Variants in TLN2 observed in about 807,000 individuals in gnomAD.
TLN2 encodes the protein talin-2.
Under a neutral mutation model 294.7 loss-of-function variants are expected in TLN2, and 118 were observed. The ratio of observed to expected loss-of-function variants is 0.40; its 90% confidence interval spans 0.34 to 0.47. TLN2 has a LOEUF of 0.47. Among genes scored for constraint, TLN2 ranks in the 20% least tolerant of loss-of-function variants. The probability of loss-of-function intolerance (pLI) is 0.84; values close to 1 mark genes in which losing one functional copy is unlikely to be tolerated. For missense variants in TLN2, 3,083 were observed against 3,282.2 expected, an observed-to-expected ratio of 0.94 and a Z score of 1.48; for synonymous variants, 1,431 against 1,304.5, an observed-to-expected ratio of 1.10 and a Z score of -2.09.
intron 1 of TLN2, among the ~76,000 whole-genome samples, chr15:62,396,128 C>T (rs2140227367): frequency 6.6e-6 from 1 of 152,296 alleles, no homozygotes; most frequent in Admixed American, 6.5e-5. Context: ...GCCACTGTGC[C>T]TGGCCTTATT....
chr15:62,472,782 C>T lies in TLN2; in HGVS notation c.-238+82097C>T, dbSNP rs536675739. Among the ~76,000 whole-genome samples, 8 of 152,234 alleles carry T rather than the reference C, an allele frequency of 5.3e-5. No individual in the cohort carries two copies. In the East Asian group the frequency reaches 9.7e-4, roughly 18 times the overall value. On this transcript the variant is annotated intron_variant, in intron 1 of 58. Transcript: ENST00000636159. Reference sequence around the variant, plus strand: ...CCCCTATAGCCTTTACCTATTTCTCCGACCGACGGATGACTTGAGCATTCG... The same window carrying T: ...CCCCTATAGCCTTTACCTATTTCTCTGACCGACGGATGACTTGAGCATTCG...
At chr15:62,391,006 T>C (rs2032029876) in intron 1 of TLN2, among the ~76,000 whole-genome samples, 1 of 152,246 alleles carries the variant, frequency 6.6e-6, no homozygotes, top group African/African-American at 2.4e-5. Context: ...AGCGGATTCC[T>C]GGCCGTGGGC....
intron 45 of TLN2, 40 bp from the exon 46 acceptor site, chr15:62,792,601 A>T (rs373930279): frequency 6.2e-7 from 1 of 1,605,032 alleles, no homozygotes; most frequent in African/African-American, 1.3e-5. Context: ...GGCAGAGTCC[A>T]TCACGCTTCT....
At chr15:62,564,667 G>A (rs1389560611) in intron 1 of TLN2, among the ~76,000 whole-genome samples, 3 of 152,058 alleles carry the variant, frequency 2.0e-5, no homozygotes, top group East Asian at 3.9e-4. Flanking sequence ...AGCACTTTGG[G>A]AGGTTGAGGC....
At chr15:62,568,280 G>T (rs2043577856) in intron 1 of TLN2, among the ~76,000 whole-genome samples, 1 of 152,126 alleles carries the variant, frequency 6.6e-6, no homozygotes, top group African/African-American at 2.4e-5. Flanking sequence ...GCCCGAGCAG[G>T]CAGAGGTGGA....
intron 1 of TLN2, among the ~76,000 whole-genome samples, chr15:62,416,296 C>G (rs1157469728): frequency 6.6e-6 from 1 of 152,176 alleles, no homozygotes; most frequent in Non-Finnish European, 1.5e-5. Context: ...GACTCTATCT[C>G]AAACAATAAA....
chr15:62,568,373 C>T (rs1346192994), intron 1 of TLN2, among the ~76,000 whole-genome samples: 4 of 152,210 alleles, frequency 2.6e-5, no homozygotes, highest in South Asian at 4.1e-4. Flanking sequence ...GCTTCATTTT[C>T]TTCAGGAGGG....
Position 62,838,972 on chromosome 15 carries a change from C to T in TLN2, c.7491C>T (p.Gly2497=). The change falls in exon 58 of 59, where the codon GGC becomes GGT. Residue 2497 remains glycine, a synonymous_variant. Transcript: ENST00000636159. ...TAGTGAAAACCAAGTTTGTGGGGGGCATTGCTCAGGTTTGTAATTAAATCA... is the reference window on the plus strand; with the variant it reads ...TAGTGAAAACCAAGTTTGTGGGGGGTATTGCTCAGGTTTGTAATTAAATCA... ...DVVVKTKFVG[G]IAQIIAAQEE... 6.2e-7 allele frequency: 1 copy of T among 1,614,074 alleles called. No individual in the cohort carries two copies. Among genetic ancestry groups the T allele is most frequent in the Non-Finnish European group, 8.5e-7 (1 of 1,179,984 alleles).
At chr15:62,680,931 A>T (rs1160579919) in intron 11 of TLN2, among the ~76,000 whole-genome samples, 1 of 152,170 alleles carries the variant, frequency 6.6e-6, no homozygotes, top group Non-Finnish European at 1.5e-5. Context: ...ATGGCTGAGT[A>T]GTATTCCATG....
Position 62,693,102 on chromosome 15 carries a change from G to T in TLN2, c.1215+161G>T, listed in dbSNP as rs145065831. ...CCCAACACTTCGGGAGGCTGAGATA[G>T]GCAGATCACCTGAGGTCAGGTATTA... is the stretch of plus-strand genomic sequence containing the variant. On this transcript the variant is annotated intron_variant, in intron 13 of 58. Coordinates refer to ENST00000636159, the MANE Select transcript of TLN2 (RefSeq NM_015059.3). 6.4e-3 allele frequency among the ~76,000 whole-genome samples: 979 copies of T among 152,298 alleles called. 4 individuals are homozygous for T. Among genetic ancestry groups the T allele is most frequent in the Non-Finnish European group, 0.01 (687 of 68,014 alleles).
chr15:62,543,456 A>G (rs571538859), intron 1 of TLN2, among the ~76,000 whole-genome samples: 2 of 152,272 alleles, frequency 1.3e-5, no homozygotes, highest in South Asian at 2.1e-4. Flanking sequence ...ATGATGAGAC[A>G]GATGTAAGAT....
intron 12 of TLN2, chr15:62,687,921 A>G (rs1341205644): frequency 6.6e-6 from 1 of 152,228 alleles, no homozygotes; most frequent in African/African-American, 2.4e-5. Context: ...GAAGTCATGG[A>G]TGATTTCTAA....
chr15:62,682,759 A>C (rs752457829), intron 11 of TLN2, among the ~76,000 whole-genome samples: 2 of 152,264 alleles, frequency 1.3e-5, no homozygotes, highest in South Asian at 4.1e-4. Context: ...ACAGTAAGGC[A>C]TTTCCCATGA....
intron 1 of TLN2, among the ~76,000 whole-genome samples, chr15:62,513,783 G>A (rs1275467946): frequency 1.3e-5 from 2 of 152,160 alleles, no homozygotes; most frequent in Non-Finnish European, 2.9e-5. Context: ...ACACAAAATT[G>A]GTGCTAAATA....
intron 57 of TLN2, among the ~76,000 whole-genome samples, chr15:62,838,622 G>A (rs889112716): frequency 1.3e-5 from 2 of 151,870 alleles, no homozygotes; most frequent in Non-Finnish European, 2.9e-5. Context: ...AGTATTCCTT[G>A]GGGGTAACAG....
At chr15:62,706,911 CAA>C (rs2059109885) in intron 19 of TLN2, among the ~76,000 whole-genome samples, 173 bp from the exon 20 acceptor site, 2 of 152,096 alleles carry the variant, frequency 1.3e-5, no homozygotes, top group Admixed American at 6.5e-5. Flanking sequence ...TATTAGGATA[CAA>C]GTCTCCTTTT....
intron 41 of TLN2, among the ~76,000 whole-genome samples, chr15:62,770,207 G>T (rs145284488): frequency 2.6e-5 from 4 of 152,314 alleles, no homozygotes; most frequent in African/African-American, 9.6e-5. Flanking sequence ...GCCTCTTAAA[G>T]TTGTGGAGGC....
chr15:62,743,652 A>T (rs940039272), intron 32 of TLN2, among the ~76,000 whole-genome samples: 3 of 151,926 alleles, frequency 2.0e-5, no homozygotes, highest in Admixed American at 6.6e-5. Flanking sequence ...TTTTCCCCCA[A>T]CCAGGGGCTG....
intron 13 of TLN2, among the ~76,000 whole-genome samples, chr15:62,693,842 C>T (rs1339788331): frequency 6.6e-6 from 1 of 151,732 alleles, no homozygotes; most frequent in African/African-American, 2.4e-5. Flanking sequence ...GTTCATCCAT[C>T]GCTTACTAAA....
Sources: allele counts gnomAD v4.1 joint callset (sites outside exome capture counted in the v4.1 genomes callset), GRCh38; gene constraint gnomAD v4.1.1; transcripts MANE v1.5; gene names NCBI Gene and HGNC (gene_info 2026-07-23, HGNC 2026-07-21).